Variants in SLC44A2 observed in about 807,000 individuals in gnomAD.
SLC44A2 encodes choline transporter-like protein 2.
In SLC44A2, 57 loss-of-function variants were observed where a neutral mutation model predicts 90.8. The ratio of observed to expected loss-of-function variants is 0.63; its 90% CI spans 0.51 to 0.78. The LOEUF is 0.78. Ranked by LOEUF, SLC44A2 falls within the 30% of genes least tolerant of loss-of-function variation. SLC44A2 has a pLI of 0.00. For missense variants in SLC44A2, 794 were observed against 919.7 expected, an observed-to-expected ratio of 0.86 and a Z score of 1.77; for synonymous variants, 355 against 360.7, an observed-to-expected ratio of 0.98 and a Z score of 0.18.
chr19:10,617,073 C>G (rs2066861212), intron 1 of SLC44A2, among the ~76,000 whole-genome samples: 1 of 152,084 alleles, frequency 6.6e-6, no homozygotes, highest in South Asian at 2.1e-4. Context: ...AGGCTCTCGC[C>G]ACCACGCCCG....
At chr19:10,633,720 G>A (rs1178014647) in intron 10 of SLC44A2, among the ~76,000 whole-genome samples, 1 of 152,098 alleles carries the variant, frequency 6.6e-6, no homozygotes, top group Admixed American at 6.6e-5. Context: ...GCCTCCCTAA[G>A]TGTTGGGATT....
chr19:10,628,628 C>T (rs2066960344), intron 4 of SLC44A2, among the ~76,000 whole-genome samples: 1 of 152,160 alleles, frequency 6.6e-6, no homozygotes, highest in Non-Finnish European at 1.5e-5. Flanking sequence ...TCCTTGGGGA[C>T]ACACAGCTCT....
chr19:10,642,310 G>A (rs1051122080), intron 20 of SLC44A2, 57 bp from the exon 21 acceptor site: 2 of 1,465,580 alleles, frequency 1.4e-6, no homozygotes, highest in African/African-American at 2.8e-5. Context: ...GACTCAGGGG[G>A]TGGGGGCTGC....
chr19:10,633,697 T>A (rs889356251), intron 10 of SLC44A2, among the ~76,000 whole-genome samples: 3 of 152,058 alleles, frequency 2.0e-5, no homozygotes, highest in African/African-American at 7.2e-5. Context: ...GCTTGAGCAG[T>A]CCTCCCGCCT....
At chr19:10,633,452 G>A (rs564665193) in intron 10 of SLC44A2, among the ~76,000 whole-genome samples, 56 of 151,222 alleles carry the variant, frequency 3.7e-4, no homozygotes, top group African/African-American at 1.2e-3. Flanking sequence ...GAGCCACCGC[G>A]CCCAGCCTTG....
rs1267517455 is a variant in SLC44A2 at position 10,638,272 on chromosome 19, A to G, written c.1886A>G (p.Gln629Arg). 1 of 1,614,084 alleles carries G rather than the reference A, an allele frequency of 6.2e-7. No homozygotes were observed. Among genetic ancestry groups the G allele is most frequent in the Non-Finnish European group, 8.5e-7 (1 of 1,180,004 alleles). The change falls in exon 20 of 22, where the codon CAG becomes CGG. Residue 629 changes from glutamine (Q) to arginine (R), a missense_variant. By Grantham distance (43) the Gln-to-Arg change is conservative (BLOSUM62 1). This residue lies in a region of SLC44A2 where 738 missense variants were observed against 841.1 expected (regional missense o/e 0.88). Coordinates refer to ENST00000335757, the MANE Select transcript of SLC44A2 (RefSeq NM_020428.4). ...FFFTHRIRIV[Q>R]DTAPPLNYYW... Reference sequence around the variant, plus strand: ...TTCACCCACCGTATCAGGATCGTGCAGGATACAGCACCACCCCTCAATTAT... The same window carrying G: ...TTCACCCACCGTATCAGGATCGTGCGGGATACAGCACCACCCCTCAATTAT...
chr19:10,643,298 T>G lies in SLC44A2; in HGVS notation c.2034T>G (p.Asn678Lys), dbSNP rs2067138172. The G allele has an allele frequency of 6.2e-7, 1 of 1,611,064 alleles. No homozygotes were observed. Among genetic ancestry groups the G allele is most frequent in the African/African-American group, 1.3e-5 (1 of 74,966 alleles). ...CCACAGTGGAGGACCTGGAGAGGAATGACGGCTCGGCCGAGAGGCCTTACT... is the reference window on the plus strand; with the variant it reads ...CCACAGTGGAGGACCTGGAGAGGAAGGACGGCTCGGCCGAGAGGCCTTACT... ...FLCFLEDLER[N>K]DGSAERPYFM... is the part of the protein sequence containing the mutation. Residue 678 changes from asparagine (N) to lysine (K), a missense_variant, in exon 22 of 22, where the codon AAT (asparagine) becomes AAG (lysine). Physicochemically the swap from Asn to Lys is moderately conservative, Grantham distance 94. This residue lies in a region of SLC44A2 where 44 missense variants were observed against 43.9 expected (regional missense o/e 1.00). Coordinates refer to ENST00000335757, the MANE Select transcript of SLC44A2 (RefSeq NM_020428.4).
intron 20 of SLC44A2, among the ~76,000 whole-genome samples, chr19:10,638,965 A>C (rs2067088173): frequency 6.6e-6 from 1 of 152,064 alleles, no homozygotes. Flanking sequence ...ACGTGTGGCT[A>C]ATTTTACATT....
Position 10,636,386 on chromosome 19 carries a change from G to C in SLC44A2, c.1297G>C (p.Gly433Arg), listed in dbSNP as rs746736096. ...TGCCCGTTGCCAGTTCGCCTTCTAC[G>C]GTGGTGAGTCGGGCTACCACCGGGC... The part of the protein sequence containing the change: ...PNARCQFAFY[G>R]GESGYHRALL... Residue 433 changes from glycine (G) to arginine (R), a missense_variant, in exon 15 of 22, where the codon GGT becomes CGT. Physicochemically the swap from Gly to Arg is moderately radical, Grantham distance 125. Around this residue, in one of 3 missense-constraint regions of SLC44A2, gnomAD observed 738 missense variants for 841.1 expected, o/e 0.88. Coordinates refer to ENST00000335757, the MANE Select transcript of SLC44A2 (RefSeq NM_020428.4). 1 of 1,613,812 alleles carries C rather than the reference G, an allele frequency of 6.2e-7. No individual in the cohort carries two copies. Among genetic ancestry groups the C allele is most frequent in the Non-Finnish European group, 8.5e-7 (1 of 1,179,964 alleles).
intron 10 of SLC44A2, among the ~76,000 whole-genome samples, chr19:10,634,188 C>T (rs2067027803): frequency 7.2e-6 from 1 of 139,328 alleles, no homozygotes; most frequent in Non-Finnish European, 1.5e-5. Context: ...CGGGGTTTCA[C>T]CATGTTGGTC....
chr19:10,642,887 G>A (rs2067133310), intron 21 of SLC44A2: 5 of 1,581,730 alleles, frequency 3.2e-6, no homozygotes, highest in African/African-American at 1.3e-5. Context: ...GGTTCCCGGG[G>A]GGAGCCCAGG....
rs1332813970 is a variant in SLC44A2, at chr19:10,635,084, A to G, written c.1055+11A>G. On this transcript the variant is annotated intron_variant, in intron 12 of 21. Transcript: ENST00000335757. ...CAAAGAAGCCAGCAGGTGGGGGGCC[A>G]GGGTGCCAGGGGCCAGGATGGAGCT... 1.2e-6 allele frequency: 2 copies of G among 1,613,936 alleles called. No homozygotes were observed. The highest frequency in any genetic ancestry group is 3.3e-5 in the Admixed American group (2 of 60,004).
upstream of SLC44A2, chr19:10,625,316 G>T (rs2066920907): frequency 2.3e-6 from 1 of 438,444 alleles, no homozygotes. Flanking sequence ...GTGGCCAGGG[G>T]TTCTAGGCGG....
intron 1 of SLC44A2, among the ~76,000 whole-genome samples, chr19:10,617,822 C>T (rs543765849): frequency 1.3e-5 from 2 of 152,290 alleles, no homozygotes; most frequent in East Asian, 1.9e-4. Flanking sequence ...CACTGGCTGT[C>T]TCTATGCAGC....
rs2067034432 is a variant in SLC44A2, at chr19:10,634,736, C to T, written c.824-20C>T. 3 of 1,614,004 alleles carry T rather than the reference C, an allele frequency of 1.9e-6. No homozygotes were observed. The highest frequency in any genetic ancestry group is 2.2e-5 in the East Asian group (1 of 44,894). On this transcript the variant is annotated intron_variant, in intron 10 of 21. Transcript: ENST00000335757. ...TTGCAGGAGGCACTGCTGGACTGAG[C>T]TTGTGGTTCCCCCATGCAGGAATAT...
At position 10,643,347 on chromosome 19, in the gene SLC44A2, C is replaced by T. The variant is rs781252886; in HGVS notation, c.2083C>T (p.Leu695Phe). The stretch of plus-strand genomic sequence containing the variant: ...CTTCATGTCTTCCACCCTCAAGAAA[C>T]TCTTGAACAAGACCAACAAGAAGGC... ...PYFMSSTLKK[L>F]LNKTNKKAAE... Residue 695 changes from leucine (L) to phenylalanine (F), a missense_variant, in exon 22 of 22, where the codon CTC becomes TTC. Leu to Phe is a conservative substitution (Grantham distance 22). Transcript: ENST00000335757. 2 of 1,613,018 alleles carry T rather than the reference C, an allele frequency of 1.2e-6. No homozygotes were observed. Among genetic ancestry groups the T allele is most frequent in the East Asian group, 2.2e-5 (1 of 44,868 alleles).
chr19:10,627,605 A>G (rs2066947373), intron 2 of SLC44A2, 117 bp from the exon 3 acceptor site: 3 of 1,010,622 alleles, frequency 3.0e-6, no homozygotes, highest in East Asian at 4.8e-5. Flanking sequence ...CGGCATTCAA[A>G]CGACTCAGGA....
intron 4 of SLC44A2, among the ~76,000 whole-genome samples, chr19:10,628,433 G>C (rs1458620516): frequency 6.6e-6 from 1 of 152,088 alleles, no homozygotes. Flanking sequence ...CACACCTCTA[G>C]TCCCAGCTAC....
At chr19:10,609,071 C>T (rs1918205064) in intron 1 of SLC44A2, among the ~76,000 whole-genome samples, 1 of 150,110 alleles carries the variant, frequency 6.7e-6, no homozygotes, top group South Asian at 2.1e-4. Context: ...GATTCTTCTG[C>T]CTCAGCCTCC....
Sources: gnomAD v4.1 joint callset for allele counts (sites outside exome capture counted in the v4.1 genomes callset) on GRCh38, gnomAD v4.1.1 for gene constraint, gnomAD v4.1.1 regional missense constraint, MANE v1.5 for transcripts, NCBI Gene and HGNC (gene_info 2026-07-23, HGNC 2026-07-21) for gene names.